NTN1: variants seen among roughly 807,000 people sequenced by gnomAD.
The protein encoded by NTN1 is netrin 1, also known as netrin-1.
In NTN1, 11 loss-of-function variants were observed where a neutral mutation model predicts 54.2. The observed-to-expected ratio is 0.20, with a 90% CI of 0.13 to 0.34. The LOEUF (loss-of-function observed/expected upper bound fraction) is 0.34, where lower values mean the gene tolerates loss of function less well. Ranked by LOEUF, NTN1 falls within the 10% of genes least tolerant of loss-of-function variation. The pLI, the probability that NTN1 is intolerant of heterozygous loss-of-function variation, is 1.00. For missense variants in NTN1, 740 were observed against 893.1 expected (o/e 0.83, Z 2.18); for synonymous variants, 371 against 382.0 (o/e 0.97, Z 0.33).
chr17:9,016,654 C>A (rs569985438), upstream of NTN1, among the ~76,000 whole-genome samples: 1 of 152,164 alleles, frequency 6.6e-6, no homozygotes, highest in Non-Finnish European at 1.5e-5. Context: ...ACAGCTCTAG[C>A]CCCTGGCCTC....
intron 5 of NTN1, among the ~76,000 whole-genome samples, chr17:9,193,920 T>TG (rs1904538786): frequency 1.6e-4 from 7 of 44,906 alleles, no homozygotes; most frequent in African/African-American, 7.6e-4. Flanking sequence ...AAACTCCGAC[T>TG]AAAAAAAAAA....
intron 6 of NTN1, among the ~76,000 whole-genome samples, chr17:9,222,789 A>C (rs1214392616): frequency 1.3e-5 from 2 of 152,186 alleles, no homozygotes; most frequent in Non-Finnish European, 2.9e-5. Context: ...TTTAATAAGG[A>C]CAGTGGTCAG....
chr17:9,098,079 T>G (rs1205467377), intron 2 of NTN1, among the ~76,000 whole-genome samples: 4 of 152,214 alleles, frequency 2.6e-5, no homozygotes, highest in Admixed American at 2.6e-4. Flanking sequence ...AGTCAAGGAC[T>G]TCCTACCGTT....
intron 2 of NTN1, among the ~76,000 whole-genome samples, chr17:9,114,166 A>AAAAAAATATATATATATATATATAT (rs1555569108): frequency 1.3e-5 from 1 of 74,658 alleles, no homozygotes; most frequent in Non-Finnish European, 2.5e-5. Context: ...AAAAAAAAAA[A>AAAAAAATATATATATATATATATAT]ATATATATAT....
chr17:9,028,676 G>A (rs182047697), intron 2 of NTN1, among the ~76,000 whole-genome samples: 92 of 152,210 alleles, frequency 6.0e-4, no homozygotes, highest in South Asian at 8.3e-4. Context: ...AGCTGGTGTC[G>A]ATATTTCCTT....
At position 9,072,968 on chromosome 17, in the gene NTN1, G is replaced by A. The variant is rs187305840; in HGVS notation, c.1018+49577G>A. ...CCCCACCCTCCTGTAGCAGGGAGTTGGTTCTGGTTAATGTTGAAGATCATA... is the reference window on the plus strand; with the variant it reads ...CCCCACCCTCCTGTAGCAGGGAGTTAGTTCTGGTTAATGTTGAAGATCATA... On this transcript the variant is annotated intron_variant, in intron 2 of 6. Coordinates refer to ENST00000173229, the MANE Select transcript of NTN1 (RefSeq NM_004822.3). Among the ~76,000 whole-genome samples, 79 of 152,336 alleles carry A rather than the reference G, an allele frequency of 5.2e-4. 1 individual carries two copies. The highest frequency in any genetic ancestry group is 1.8e-3 in the African/African-American group (75 of 41,572).
chr17:9,096,366 CTT>C (rs1555567412), intron 2 of NTN1, among the ~76,000 whole-genome samples: 18 of 91,552 alleles, frequency 2.0e-4, no homozygotes, highest in Non-Finnish European at 2.9e-4. Context: ...TATGGGTAGA[CTT>C]TTTTTTTTTT....
intron 2 of NTN1, among the ~76,000 whole-genome samples, chr17:9,075,986 T>G (rs931716840): frequency 4.6e-5 from 7 of 152,262 alleles, no homozygotes; most frequent in African/African-American, 1.4e-4. Flanking sequence ...AACCCCAGGT[T>G]CACCCTTGAG....
At chr17:9,125,525 G>C (rs187900854) in intron 2 of NTN1, among the ~76,000 whole-genome samples, 306 of 152,250 alleles carry the variant, frequency 2.0e-3, no homozygotes, top group Non-Finnish European at 3.8e-3. Context: ...ACTGCACCTG[G>C]CTGATTGGCT....
At chr17:9,134,649 G>T (rs934717171) in intron 2 of NTN1, among the ~76,000 whole-genome samples, 3 of 152,158 alleles carry the variant, frequency 2.0e-5, no homozygotes, top group Non-Finnish European at 4.4e-5. Context: ...TTCTGCTCTG[G>T]GCGGCCCTGA....
chr17:9,083,049 C>G lies in NTN1; in HGVS notation c.1018+59658C>G, dbSNP rs545283430. The stretch of plus-strand genomic sequence containing the variant: ...CATCTCCTCAATACCCTTCCCACCC[C>G]TCATTCTCCGTGTTCTGCCATTGGC... On this transcript the variant is annotated intron_variant, in intron 2 of 6. Transcript: ENST00000173229. Among the ~76,000 whole-genome samples the G allele has an allele frequency of 5.3e-5, 8 of 152,050 alleles. No homozygotes were observed. In the South Asian group the frequency reaches 1.7e-3, roughly 32 times the overall value.
chr17:9,185,782 A>G (rs2092431489), intron 5 of NTN1, among the ~76,000 whole-genome samples: 2 of 152,102 alleles, frequency 1.3e-5, no homozygotes, highest in African/African-American at 2.4e-5. Context: ...TATCAACTCA[A>G]GGGGAGTTCT....
At chr17:9,153,882 T>C (rs1282039892) in intron 2 of NTN1, among the ~76,000 whole-genome samples, 2 of 152,210 alleles carry the variant, frequency 1.3e-5, no homozygotes, top group African/African-American at 4.8e-5. Flanking sequence ...GTGGACTGAC[T>C]CTACCTGTTG....
At chr17:9,068,616 C>A (rs2142213508) in intron 2 of NTN1, among the ~76,000 whole-genome samples, 1 of 151,614 alleles carries the variant, frequency 6.6e-6, no homozygotes, top group South Asian at 2.1e-4. Flanking sequence ...TCAAGCGATT[C>A]TCTTACCTCA....
At chr17:9,225,998 C>T (rs921233843) in intron 6 of NTN1, among the ~76,000 whole-genome samples, 6 of 152,134 alleles carry the variant, frequency 3.9e-5, no homozygotes, top group Admixed American at 6.5e-5. Flanking sequence ...ACCTGGGCAG[C>T]GGCCAGAGGG....
intron 6 of NTN1, among the ~76,000 whole-genome samples, chr17:9,226,161 TCGGGGG>T (rs1905536005): frequency 8.5e-6 from 1 of 118,080 alleles, no homozygotes; most frequent in Non-Finnish European, 1.8e-5. Flanking sequence ...GGATTTGGGG[TCGGGGG>T]GGGGCCTCAG....
intron 4 of NTN1, among the ~76,000 whole-genome samples, chr17:9,180,436 C>G (rs9908810): frequency 0.36 from 54,574 of 152,196 alleles, 10,208 homozygotes; most frequent in Middle Eastern, 0.49. Flanking sequence ...AGAGTTCTTG[C>G]AGAAGCCACT....
At chr17:9,092,429 A>G (rs2092114614) in intron 2 of NTN1, among the ~76,000 whole-genome samples, 1 of 143,408 alleles carries the variant, frequency 7.0e-6, no homozygotes, top group Non-Finnish European at 1.5e-5. Context: ...CTGGTATTAT[A>G]GGCGCAAACC....
intron 2 of NTN1, among the ~76,000 whole-genome samples, chr17:9,070,088 G>A (rs887242918): frequency 6.6e-6 from 1 of 152,012 alleles, no homozygotes; most frequent in Non-Finnish European, 1.5e-5. Context: ...TAAGAGGTTG[G>A]ACCCTGTACC....
Sources: allele counts gnomAD v4.1 joint callset (sites outside exome capture counted in the v4.1 genomes callset), GRCh38; gene constraint gnomAD v4.1.1; transcripts MANE v1.5; gene names NCBI Gene and HGNC (gene_info 2026-07-23, HGNC 2026-07-21).